Variants in NELL2 observed in about 807,000 individuals in gnomAD.
NELL2 encodes the protein neural EGFL like 2, also known as protein kinase C-binding protein NELL2.
NELL2 carries 41 observed loss-of-function variants against 109.6 expected under a neutral mutation model. The observed-to-expected ratio is 0.37, with a 90% CI of 0.29 to 0.49. The LOEUF is 0.49. Among genes scored for constraint, NELL2 ranks in the 20% least tolerant of loss-of-function variants. The pLI, the probability that NELL2 is intolerant of heterozygous loss-of-function variation, is 0.98. For synonymous variants in NELL2, 355 were observed against 344.7 expected, an observed-to-expected ratio of 1.03 and a Z score of -0.33; for missense variants, 900 against 1,008.3, an observed-to-expected ratio of 0.89 and a Z score of 1.45.
At chr12:44,623,408 A>G (rs1163561433) in intron 13 of NELL2, among the ~76,000 whole-genome samples, 6 of 152,096 alleles carry the variant, frequency 3.9e-5, no homozygotes, top group Non-Finnish European at 8.8e-5. Context: ...TTGTTATTCC[A>G]AAAGTCATCT....
At chr12:44,901,515 C>A (rs568636279) in intron 1 of NELL2, among the ~76,000 whole-genome samples, 8 of 152,054 alleles carry the variant, frequency 5.3e-5, no homozygotes, top group Non-Finnish European at 1.2e-4. Context: ...TTCCAAACAA[C>A]AGAAAAAGAG....
At chr12:44,736,583 G>A (rs1234915461) in intron 9 of NELL2, among the ~76,000 whole-genome samples, 1 of 151,662 alleles carries the variant, frequency 6.6e-6, no homozygotes, top group Non-Finnish European at 1.5e-5. Context: ...AATGAAGCCA[G>A]GCTTTGCTAA....
intron 1 of NELL2, among the ~76,000 whole-genome samples, chr12:44,882,488 A>G (rs1209342280): frequency 6.6e-6 from 1 of 151,478 alleles, no homozygotes; most frequent in East Asian, 1.9e-4. Flanking sequence ...ATACATACAC[A>G]CACATATACA....
intron 9 of NELL2, among the ~76,000 whole-genome samples, chr12:44,742,255 T>C (rs1425120041): frequency 6.6e-6 from 1 of 152,202 alleles, no homozygotes; most frequent in African/African-American, 2.4e-5. Context: ...GGGTCCTCTC[T>C]GTTGGAAGGA....
chr12:44,607,658 T>C (rs1945455637), intron 14 of NELL2, among the ~76,000 whole-genome samples: 1 of 151,926 alleles, frequency 6.6e-6, no homozygotes, highest in South Asian at 2.1e-4. Flanking sequence ...AAACAGGAAA[T>C]GGTTGAATCC....
chr12:44,523,569 A>G lies in NELL2; in HGVS notation c.1805-85T>C, dbSNP rs576021314. ...GCAATCAGGCCAGTTGTCTCCTGAC[A>G]TAAGGTATTCAACTGTAAATTAATT... On this transcript the variant is annotated intron_variant, in intron 16 of 19. Coordinates refer to ENST00000429094, the MANE Select transcript of NELL2 (RefSeq NM_001145108.2). 8.8e-6 allele frequency: 10 copies of G among 1,140,514 alleles called. No individual in the cohort carries two copies. In the South Asian group the frequency reaches 1.2e-4, roughly 14 times the overall value. The allele number at this position is 1,140,514 out of a possible 1,614,324, so 70.6% of individuals were successfully genotyped here. A position where few individuals can be genotyped will look rare whatever the true frequency, so the allele number is the denominator to read the frequency against.
intron 2 of NELL2, among the ~76,000 whole-genome samples, chr12:44,860,666 C>T (rs969731429): frequency 6.6e-6 from 1 of 151,274 alleles, no homozygotes; most frequent in African/African-American, 2.4e-5. Context: ...TAAAAGGCCC[C>T]TTGTGATTAC....
At chr12:44,633,465 G>T (rs533988241) in intron 13 of NELL2, among the ~76,000 whole-genome samples, 21 of 151,976 alleles carry the variant, frequency 1.4e-4, no homozygotes, top group Non-Finnish European at 2.6e-4. Context: ...GACAGAGAAA[G>T]AAATAATAAA....
At chr12:44,885,973 C>CAT (rs781308887) in intron 1 of NELL2, among the ~76,000 whole-genome samples, 24 of 150,614 alleles carry the variant, frequency 1.6e-4, no homozygotes, top group East Asian at 3.9e-4. Flanking sequence ...TAGGAATAGA[C>CAT]ATATATATAT....
chr12:44,815,911 T>A (rs1459001435), intron 3 of NELL2, 75 bp downstream of exon 3: 5 of 1,483,594 alleles, frequency 3.4e-6, no homozygotes, highest in Non-Finnish European at 4.5e-6. Flanking sequence ...AAGAAAGCTT[T>A]TGTTTACTTC....
chr12:44,529,318 T>A (rs1334980224), intron 16 of NELL2, among the ~76,000 whole-genome samples: 1 of 152,156 alleles, frequency 6.6e-6, no homozygotes, highest in Admixed American at 6.5e-5. Flanking sequence ...GACTCTAAGA[T>A]GTAGTTCTGG....
intron 13 of NELL2, among the ~76,000 whole-genome samples, chr12:44,634,664 T>A (rs1441493552): frequency 6.6e-6 from 1 of 152,204 alleles, no homozygotes; most frequent in Non-Finnish European, 1.5e-5. Flanking sequence ...TTAGAATGAT[T>A]AATAATCCTT....
chr12:44,644,628 A>T (rs1248271703), intron 13 of NELL2, among the ~76,000 whole-genome samples: 1 of 98,806 alleles, frequency 1.0e-5, no homozygotes. Flanking sequence ...ATATATATAC[A>T]TACATATATA....
intron 3 of NELL2, among the ~76,000 whole-genome samples, chr12:44,813,183 G>T (rs1383295625): frequency 6.6e-6 from 1 of 151,858 alleles, no homozygotes; most frequent in Admixed American, 6.6e-5. Context: ...CCATCTCCAG[G>T]TCTACACTCT....
chr12:44,527,565 A>G (rs1173840556), intron 16 of NELL2, among the ~76,000 whole-genome samples: 2 of 152,218 alleles, frequency 1.3e-5, no homozygotes, highest in African/African-American at 4.8e-5. Context: ...GCCTCCAAGT[A>G]TGAGTCTTAC....
intron 5 of NELL2, 99 bp downstream of exon 5, chr12:44,779,564 T>A: frequency 2.2e-6 from 2 of 921,200 alleles, no homozygotes; most frequent in Non-Finnish European, 3.3e-6. Context: ...AATTTACAAA[T>A]CAAATTATTT....
At chr12:44,804,599 TA>T (rs1257175811) in intron 3 of NELL2, among the ~76,000 whole-genome samples, 1 of 151,886 alleles carries the variant, frequency 6.6e-6, no homozygotes. Context: ...ATTATATTTT[TA>T]AATGAGCCCT....
chr12:44,647,848 G>A (rs547815882), intron 13 of NELL2, among the ~76,000 whole-genome samples: 283 of 152,326 alleles, frequency 1.9e-3, no homozygotes, highest in African/African-American at 6.5e-3. Context: ...GATAAGTGGG[G>A]TGTCAAAATC....
chr12:44,651,834 T>C (rs1001857403), intron 13 of NELL2, among the ~76,000 whole-genome samples: 2 of 152,092 alleles, frequency 1.3e-5, no homozygotes, highest in Admixed American at 6.5e-5. Flanking sequence ...TATCCGAACA[T>C]GTTTTTCTAC....
Sources: gnomAD v4.1 joint callset for allele counts (sites outside exome capture counted in the v4.1 genomes callset) on GRCh38, gnomAD v4.1.1 for gene constraint, MANE v1.5 for transcripts, NCBI Gene and HGNC (gene_info 2026-07-23, HGNC 2026-07-21) for gene names.